Variants in NCAPG observed in about 807,000 individuals in gnomAD.
NCAPG encodes the protein condensin complex subunit 3.
Under a neutral mutation model 113.1 loss-of-function variants are expected in NCAPG, and 69 were observed. The observed-to-expected ratio is 0.61, with a 90% CI of 0.50 to 0.75. The LOEUF is 0.75. Among genes scored for constraint, NCAPG ranks in the 30% least tolerant of loss-of-function variants. NCAPG has a pLI of 0.00. For synonymous variants in NCAPG, 370 were observed against 415.8 expected, an observed-to-expected ratio of 0.89 and a Z score of 1.34; for missense variants, 1,058 against 1,177.0, an observed-to-expected ratio of 0.90 and a Z score of 1.48.
In NCAPG at chr4:17,837,143, A is replaced by C; in HGVS notation, c.2110-16A>C. 1 of 1,609,220 alleles carries C rather than the reference A, an allele frequency of 6.2e-7. No homozygotes were observed. The highest frequency in any genetic ancestry group is 8.5e-7 in the Non-Finnish European group (1 of 1,177,332). Reference sequence around the variant, plus strand: ...GATACAAATAAATTTCTTCTAATGAATGTCATCTTTGTTAGGTATCTGAAC... The same window carrying C: ...GATACAAATAAATTTCTTCTAATGACTGTCATCTTTGTTAGGTATCTGAAC... On this transcript the variant is annotated splice_polypyrimidine_tract_variant and intron_variant, in intron 14 of 20. Transcript: ENST00000251496.
chr4:17,839,617 G>T, intron 16 of NCAPG, 59 bp from the exon 17 acceptor site: 1 of 1,187,434 alleles, frequency 8.4e-7, no homozygotes, highest in South Asian at 2.0e-5. Flanking sequence ...AGATGTGTAA[G>T]ACTATATAAT....
intron 16 of NCAPG, among the ~76,000 whole-genome samples, 170 bp downstream of exon 16, chr4:17,837,971 G>T (rs892292481): frequency 1.3e-5 from 2 of 152,174 alleles, no homozygotes; most frequent in Non-Finnish European, 2.9e-5. Flanking sequence ...GAAATCATAT[G>T]AAAACAGAAG....
intron 11 of NCAPG, among the ~76,000 whole-genome samples, chr4:17,827,419 G>T (rs1460684688): frequency 6.6e-6 from 1 of 152,156 alleles, no homozygotes; most frequent in Non-Finnish European, 1.5e-5. Flanking sequence ...AGTAGGGTTG[G>T]GAGACTTACA....
Position 17,812,268 on chromosome 4 carries a change from A to G in NCAPG, c.159A>G (p.Lys53=). 1 of 1,613,564 alleles carries G rather than the reference A, an allele frequency of 6.2e-7. No individual in the cohort carries two copies. Among genetic ancestry groups the G allele is most frequent in the South Asian group, 1.1e-5 (1 of 91,018 alleles). Residue 53 remains lysine, a synonymous_variant, in exon 2 of 21, where the codon AAA becomes AAG. Coordinates refer to ENST00000251496, the MANE Select transcript of NCAPG (RefSeq NM_022346.5). ...ATGAGGAGTTCATTCATTACCTTAA[A>G]TATGTTATGGTGGTCTATAAACGTG... ...VFHEEFIHYL[K]YVMVVYKREP... is the part of the protein sequence containing the mutation.
Position 17,844,423 on chromosome 4 carries a change from C to G in NCAPG, c.*998C>G, listed in dbSNP as rs972016964. 22 of 152,392 alleles carry G rather than the reference C, an allele frequency of 1.4e-4. No homozygotes were observed. The highest frequency in any genetic ancestry group is 5.1e-4 in the African/African-American group (21 of 41,512). The allele number at this position is 152,392 out of a possible 1,614,324, so 9.4% of individuals were successfully genotyped here. ...CTTATCATCTACTAGAGGCCATTTA[C>G]TTAAGGTGAAATTTTAAGATGGAGC... On this transcript the variant is annotated 3_prime_UTR_variant, in exon 21 of 21. Coordinates refer to ENST00000251496, the MANE Select transcript of NCAPG (RefSeq NM_022346.5).
intron 20 of NCAPG, chr4:17,842,886 GTCT>G (rs1340306102): frequency 4.3e-5 from 7 of 162,116 alleles, no homozygotes; most frequent in Admixed American, 4.2e-4. Flanking sequence ...GATTAAATTT[GTCT>G]TTTTTGGGGG....
chr4:17,843,617 G>GTAT lies in NCAPG; in HGVS notation c.*192_*193insTAT, dbSNP rs1553852476. 6 of 459,412 alleles carry GTAT rather than the reference G, an allele frequency of 1.3e-5. No individual in the cohort carries two copies. Among genetic ancestry groups the GTAT allele is most frequent in the Admixed American group, 3.6e-5 (1 of 28,012 alleles). 28.5% of individuals were successfully genotyped at this position (459,412 alleles called of 1,614,324 possible). On this transcript the variant is annotated 3_prime_UTR_variant, in exon 21 of 21. Transcript: ENST00000251496. Reference sequence around the variant, plus strand: ...AGTTATTATAGTCCAGAAAAAGTGTGCATCAGTCAGTCACACAGATTTATC... The same window carrying GTAT: ...AGTTATTATAGTCCAGAAAAAGTGTGTATCATCAGTCAGTCACACAGATTTATC...
In NCAPG at chr4:17,826,194, C is replaced by A. The variant is rs191940864; in HGVS notation, c.1653+633C>A. Among the ~76,000 whole-genome samples the A allele has an allele frequency of 6.7e-3, 1,021 of 152,074 alleles. 15 individuals are homozygous for A. Among genetic ancestry groups the A allele is most frequent in the African/African-American group, 0.024 (983 of 41,510 alleles). On this transcript the variant is annotated intron_variant, in intron 11 of 20. Coordinates refer to ENST00000251496, the MANE Select transcript of NCAPG (RefSeq NM_022346.5). ...ATGGTATCGATACCATTCTGTCTTA[C>A]AACAAATGATAAATATGTAAACATA...
In NCAPG at chr4:17,837,139, A is replaced by C; in HGVS notation, c.2110-20A>C. On this transcript the variant is annotated intron_variant, in intron 14 of 20. Coordinates refer to ENST00000251496, the MANE Select transcript of NCAPG (RefSeq NM_022346.5). ...AGGAGATACAAATAAATTTCTTCTA[A>C]TGAATGTCATCTTTGTTAGGTATCT... 6.2e-7 allele frequency: 1 copy of C among 1,608,340 alleles called. No individual in the cohort carries two copies. Among genetic ancestry groups the C allele is most frequent in the Non-Finnish European group, 8.5e-7 (1 of 1,176,882 alleles).
intron 7 of NCAPG, 51 bp downstream of exon 7, chr4:17,818,139 C>T: frequency 6.5e-7 from 1 of 1,533,018 alleles, no homozygotes. Context: ...CTGCATGTGT[C>T]AATCTCCCAG....
intron 7 of NCAPG, among the ~76,000 whole-genome samples, chr4:17,821,854 A>T (rs1721469857): frequency 6.6e-6 from 1 of 152,130 alleles, no homozygotes; most frequent in African/African-American, 2.4e-5. Context: ...TCTAAGCTTC[A>T]ATTCTTAGTT....
intron 9 of NCAPG, 116 bp from the exon 10 acceptor site, chr4:17,824,852 T>G: frequency 1.7e-6 from 1 of 600,352 alleles, no homozygotes; most frequent in Non-Finnish European, 2.8e-6. Flanking sequence ...TCTACCAGTA[T>G]GTTTTTGCTC....
At chr4:17,843,244 T>C (rs1019336014) in intron 20 of NCAPG, 58 bp from the exon 21 acceptor site, 25 of 1,552,490 alleles carry the variant, frequency 1.6e-5, no homozygotes, top group Non-Finnish European at 2.2e-5. Context: ...GTTTTATTTA[T>C]AAATAAACTG....
rs1721254854 is a variant in NCAPG at position 17,817,405 on chromosome 4, T to C, written c.920T>C (p.Ile307Thr). ...TCTGTTCTCAATGCCTTGTTTTCAATAACTCCTCTCAGTGAACTGGTGGGA... is the reference window on the plus strand; with the variant it reads ...TCTGTTCTCAATGCCTTGTTTTCAACAACTCCTCTCAGTGAACTGGTGGGA... Reference protein sequence around the residue: ...AVSVLNALFSITPLSELVGLC... With the variant: ...AVSVLNALFSTTPLSELVGLC... The change falls in exon 6 of 21, where the codon ATA becomes ACA. Residue 307 changes from isoleucine to threonine, a missense_variant. Ile to Thr is a moderately conservative substitution (Grantham distance 89). Transcript: ENST00000251496. 4 of 1,614,034 alleles carry C rather than the reference T, an allele frequency of 2.5e-6. No homozygotes were observed.
intron 1 of NCAPG, among the ~76,000 whole-genome samples, 187 bp from the exon 2 acceptor site, chr4:17,812,034 A>G (rs1417880492): frequency 6.6e-6 from 1 of 152,222 alleles, no homozygotes; most frequent in Non-Finnish European, 1.5e-5. Context: ...TACTCCCATT[A>G]TAGCCTGGAG....
intron 20 of NCAPG, 50 bp from the exon 21 acceptor site, chr4:17,843,252 C>T: frequency 1.9e-6 from 3 of 1,560,144 alleles, no homozygotes; most frequent in African/African-American, 1.4e-5. Context: ...TATAAATAAA[C>T]TGGTTTTAAA....
intron 16 of NCAPG, among the ~76,000 whole-genome samples, chr4:17,838,378 G>A (rs1403919170): frequency 2.6e-5 from 4 of 152,142 alleles, no homozygotes; most frequent in African/African-American, 4.8e-5. Flanking sequence ...TTAGTGATAA[G>A]CTACTCTGTT....
chr4:17,819,447 G>C (rs1405818470), intron 7 of NCAPG, among the ~76,000 whole-genome samples: 2 of 151,850 alleles, frequency 1.3e-5, no homozygotes, highest in Non-Finnish European at 2.9e-5. Flanking sequence ...CTGTCGCCAG[G>C]CTGGAGTGCA....
At chr4:17,842,966 T>C (rs1224395107) in intron 20 of NCAPG, 1 of 170,722 alleles carries the variant, frequency 5.9e-6, no homozygotes, top group Non-Finnish European at 1.3e-5. Flanking sequence ...TTAATTTTTT[T>C]GTCACTTCTT....
Sources: allele counts gnomAD v4.1 joint callset (sites outside exome capture counted in the v4.1 genomes callset), GRCh38; gene constraint gnomAD v4.1.1; transcripts MANE v1.5; gene names NCBI Gene and HGNC (gene_info 2026-07-23, HGNC 2026-07-21).